Variants in USP48 observed in about 807,000 individuals in gnomAD.
USP48 encodes the protein ubiquitin specific peptidase 48.
Under a neutral mutation model 150.7 loss-of-function variants are expected in USP48, and 43 were observed. The ratio of observed to expected loss-of-function variants is 0.29; its 90% CI spans 0.22 to 0.37. The LOEUF is 0.37. Ranked by LOEUF, USP48 falls within the 10% of genes least tolerant of loss-of-function variation. The probability of loss-of-function intolerance (pLI) is 1.00; values close to 1 mark genes in which losing one functional copy is unlikely to be tolerated. For missense variants in USP48, 813 were observed against 1,249.6 expected (o/e 0.65, Z 5.27); for synonymous variants, 396 against 425.9 (o/e 0.93, Z 0.86).
At position 21,733,734 on chromosome 1, in the gene USP48, C is replaced by T. The variant is rs568227495; in HGVS notation, c.1171+2712G>A. ...AGAATGTAGATAGATTTTAAAAAAA[C>T]CCAGTAAAAAACAGTCAAATAAAAC... On this transcript the variant is annotated intron_variant, in intron 9 of 26. Transcript: ENST00000308271. Among the ~76,000 whole-genome samples, 11 of 152,110 alleles carry T rather than the reference C, an allele frequency of 7.2e-5. No homozygotes were observed. In the South Asian group the frequency reaches 2.3e-3, roughly 32 times the overall value.
intron 10 of USP48, among the ~76,000 whole-genome samples, chr1:21,728,950 C>T (rs1306988552): frequency 6.6e-6 from 1 of 152,148 alleles, no homozygotes; most frequent in Non-Finnish European, 1.5e-5. Flanking sequence ...ACATCATCAG[C>T]CTCCCAGAAC....
intron 1 of USP48, among the ~76,000 whole-genome samples, chr1:21,776,797 T>C (rs1203569417): frequency 6.6e-6 from 1 of 151,708 alleles, no homozygotes; most frequent in Non-Finnish European, 1.5e-5. Flanking sequence ...CTACTAAAAA[T>C]ACAAAAATTA....
intron 11 of USP48, among the ~76,000 whole-genome samples, chr1:21,725,677 C>T (rs548369572): frequency 2.6e-5 from 4 of 151,192 alleles, no homozygotes; most frequent in African/African-American, 4.9e-5. Context: ...CACTTGAACC[C>T]GGGACGCGGA....
rs78942998 is a variant in USP48, at chr1:21,740,851, T to C, written c.992-4226A>G. The stretch of plus-strand genomic sequence containing the variant: ...AAGAACCAAATCAAACTCCGAGAAA[T>C]GGAAATCACAGTCACCGACAGTCAA... On this transcript the variant is annotated intron_variant, in intron 8 of 26. Coordinates refer to ENST00000308271, the MANE Select transcript of USP48 (RefSeq NM_032236.8). 4.4e-3 allele frequency among the ~76,000 whole-genome samples: 666 copies of C among 151,806 alleles called. 5 individuals carry two copies. The highest frequency in any genetic ancestry group is 0.015 in the African/African-American group (619 of 41,378).
chr1:21,782,884 T>A lies in USP48; in HGVS notation c.74A>T (p.Gln25Leu). Reference protein sequence around the residue: ...AETVRPEEVSQEHIETAYRIW... With the variant: ...AETVRPEEVSLEHIETAYRIW... ...GCGGTAAGCGGTCTCGATGTGCTCC[T>A]GCGACACCTCCTCGGGCCGCACCGT... The change falls in exon 1 of 27, where the codon CAG (glutamine) becomes CTG (leucine). Residue 25 changes from glutamine (Q) to leucine (L), a missense_variant. Transcript: ENST00000308271. The A allele has an allele frequency of 6.4e-7, 1 of 1,557,948 alleles. No individual in the cohort carries two copies. Among genetic ancestry groups the A allele is most frequent in the Non-Finnish European group, 8.7e-7 (1 of 1,152,346 alleles).
At chr1:21,745,216 G>A (rs980155571) in intron 8 of USP48, among the ~76,000 whole-genome samples, 1 of 152,092 alleles carries the variant, frequency 6.6e-6, no homozygotes, top group Non-Finnish European at 1.5e-5. Flanking sequence ...TAAAAGACAA[G>A]CCTATAACTA....
chr1:21,694,610 CCCT>C, intron 23 of USP48, among the ~76,000 whole-genome samples: 1 of 59,264 alleles, frequency 1.7e-5, no homozygotes, highest in East Asian at 9.1e-4. Flanking sequence ...AAAAAAAACC[CCCT>C]CTATCTATCA....
chr1:21,776,655 T>C lies in USP48; in HGVS notation c.134+6169A>G, dbSNP rs180868782. Among the ~76,000 whole-genome samples, 11 of 135,518 alleles carry C rather than the reference T, an allele frequency of 8.1e-5. No homozygotes were observed. The East Asian group carries it at 2.5e-3, about 31-fold the overall frequency. The allele number at this position is 135,518 out of a possible 152,430, so 88.9% of individuals were successfully genotyped here. A position where few individuals can be genotyped will look rare whatever the true frequency, so the allele number is the denominator to read the frequency against. ...GTAGAAAGAGAGCTTTTTGGATATCTAAATAAAAGCTGACAGGGCCAGGCA... is the reference window on the plus strand; with the variant it reads ...GTAGAAAGAGAGCTTTTTGGATATCCAAATAAAAGCTGACAGGGCCAGGCA... On this transcript the variant is annotated intron_variant, in intron 1 of 26. Coordinates refer to ENST00000308271, the MANE Select transcript of USP48 (RefSeq NM_032236.8).
At position 21,688,344 on chromosome 1, in the gene USP48, G is replaced by A. The variant is rs577596676; in HGVS notation, c.3010-1105C>T. ...CGCCATTCTCCTGTCTCAGCCTCCC[G>A]AGTAGCTGGGATCACAGGTGCCCAC... On this transcript the variant is annotated intron_variant, in intron 24 of 26. Transcript: ENST00000308271. 4.4e-3 allele frequency among the ~76,000 whole-genome samples: 664 copies of A among 151,848 alleles called. 3 individuals carry two copies. Among genetic ancestry groups the A allele is most frequent in the Non-Finnish European group, 4.9e-3 (330 of 67,922 alleles).
chr1:21,709,863 T>C (rs189431899), intron 15 of USP48, among the ~76,000 whole-genome samples: 1 of 152,212 alleles, frequency 6.6e-6, no homozygotes, highest in African/African-American at 2.4e-5. Flanking sequence ...GTCTAGTTGG[T>C]AATAAAAATA....
At chr1:21,680,719 AT>A (rs2097563448) in intron 26 of USP48, 88 bp downstream of exon 26, 8 of 1,302,952 alleles carry the variant, frequency 6.1e-6, no homozygotes, top group Non-Finnish European at 8.5e-6. Flanking sequence ...TTGGATTAAA[AT>A]TTAAAATCAA....
At chr1:21,743,190 A>G (rs2097786162) in intron 8 of USP48, among the ~76,000 whole-genome samples, 1 of 152,114 alleles carries the variant, frequency 6.6e-6, no homozygotes, top group African/African-American at 2.4e-5. Context: ...AGAGGGGAAG[A>G]GAAAAGGAAA....
At chr1:21,764,711 CAA>C (rs35810751) in intron 1 of USP48, among the ~76,000 whole-genome samples, 9,660 of 108,284 alleles carry the variant, frequency 0.089, 314 homozygotes, top group Middle Eastern at 0.13. Context: ...CACTCCGTCT[CAA>C]AAAAAAAAAA....
At chr1:21,700,883 G>C (rs192180463) in intron 22 of USP48, among the ~76,000 whole-genome samples, 2 of 151,768 alleles carry the variant, frequency 1.3e-5, no homozygotes, top group Non-Finnish European at 2.9e-5. Flanking sequence ...ACCAGCCTAG[G>C]TGAAACCCCG....
At chr1:21,724,840 T>G (rs985482128) in intron 11 of USP48, 2 of 152,166 alleles carry the variant, frequency 1.3e-5, no homozygotes, top group African/African-American at 4.8e-5. Context: ...GAGTTTTAAT[T>G]TGGGGAAAGG....
rs769584018 is a variant in USP48 at position 21,782,931 on chromosome 1, C to T, written c.27G>A (p.Lys9=). The part of the protein sequence containing the change: MAPRLQLE[K]AAWRWAETVR... ...CCGTCTCCGCCCAGCGCCAGGCCGC[C>T]TTCTCCAGCTGCAGCCGCGGGGCCA... Residue 9 remains lysine (K), a synonymous_variant, in exon 1 of 27, where the codon AAG becomes AAA. Coordinates refer to ENST00000308271, the MANE Select transcript of USP48 (RefSeq NM_032236.8). The T allele has an allele frequency of 5.2e-6, 8 of 1,549,138 alleles. No homozygotes were observed. The South Asian group carries it at 8.3e-5, about 16-fold the overall frequency.
intron 23 of USP48, 68 bp downstream of exon 23, chr1:21,694,998 G>C: frequency 6.7e-7 from 1 of 1,491,212 alleles, no homozygotes. Context: ...TGTAAATACA[G>C]GTGGAAAGCA....
In USP48 at chr1:21,758,909, C is replaced by T. The variant is rs574484395; in HGVS notation, c.135-1126G>A. ...TCAACTGGCTAGGCGTGGTGGTTCA[C>T]GCCTGTAATCCTAGCCCTTTGGGAG... On this transcript the variant is annotated intron_variant, in intron 1 of 26. Coordinates refer to ENST00000308271, the MANE Select transcript of USP48 (RefSeq NM_032236.8). Among the ~76,000 whole-genome samples, 15 of 152,242 alleles carry T rather than the reference C, an allele frequency of 9.9e-5. No homozygotes were observed. In the East Asian group the frequency reaches 1.5e-3, roughly 16 times the overall value.
intron 25 of USP48, among the ~76,000 whole-genome samples, chr1:21,684,676 A>G (rs1438943383): frequency 1.7e-5 from 1 of 60,202 alleles, no homozygotes; most frequent in Non-Finnish European, 4.5e-5. Flanking sequence ...CATAGTTTCA[A>G]GTCTTACATT....
Sources: allele counts gnomAD v4.1 joint callset (sites outside exome capture counted in the v4.1 genomes callset), GRCh38; gene constraint gnomAD v4.1.1; transcripts MANE v1.5; gene names NCBI Gene and HGNC (gene_info 2026-07-23, HGNC 2026-07-21).